Variants in YES1 observed in about 807,000 individuals in gnomAD.
YES1 encodes the protein YES proto-oncogene 1, Src family tyrosine kinase, also known as tyrosine-protein kinase Yes.
In YES1, 39 loss-of-function variants were observed where a neutral mutation model predicts 70.4. The observed-to-expected ratio is 0.55, with a 90% CI of 0.43 to 0.72. The LOEUF (loss-of-function observed/expected upper bound fraction) is 0.72. Ranked by LOEUF, YES1 falls within the 30% of genes least tolerant of loss-of-function variation. The probability of loss-of-function intolerance (pLI) is 0.00; values close to 1 mark genes in which losing one functional copy is unlikely to be tolerated. For missense variants in YES1, 495 were observed against 644.8 expected, an observed-to-expected ratio of 0.77 and a Z score of 2.52; for synonymous variants, 198 against 218.6, an observed-to-expected ratio of 0.91 and a Z score of 0.83.
In YES1 at chr18:725,050, T is replaced by C. The variant is rs149612528; in HGVS notation, c.1424-418A>G. 1.7e-3 allele frequency among the ~76,000 whole-genome samples: 263 copies of C among 152,340 alleles called. 5 individuals carry two copies. In the East Asian group the frequency reaches 0.047, roughly 27 times the overall value. On this transcript the variant is annotated intron_variant, in intron 11 of 11. Coordinates refer to ENST00000314574, the MANE Select transcript of YES1 (RefSeq NM_005433.4). ...CAGAAGAAAGTTCTAGTCTTGGTTT[T>C]GCCAAATATACCAACTACATAACTT...
intron 6 of YES1, among the ~76,000 whole-genome samples, chr18:744,535 G>A (rs1350110336): frequency 1.3e-5 from 2 of 151,580 alleles, no homozygotes; most frequent in East Asian, 1.9e-4. Flanking sequence ...GCCTACAGGT[G>A]CATGCCACCA....
intron 11 of YES1, among the ~76,000 whole-genome samples, chr18:731,966 C>CAAAAAAAAA (rs1165333694): frequency 1.3e-5 from 1 of 79,970 alleles, no homozygotes; most frequent in South Asian, 5.1e-4. Flanking sequence ...GACTCCATTT[C>CAAAAAAAAA]AAAAAAAAAA....
At chr18:731,924 G>GCA (rs1568184408) in intron 11 of YES1, among the ~76,000 whole-genome samples, 2 of 131,286 alleles carry the variant, frequency 1.5e-5, no homozygotes, top group East Asian at 4.6e-4. Flanking sequence ...CTGAGATCGT[G>GCA]CCACTGCACT....
chr18:803,999 A>ATT (rs1483512465), intron 1 of YES1, among the ~76,000 whole-genome samples: 17 of 152,350 alleles, frequency 1.1e-4, no homozygotes, highest in African/African-American at 4.1e-4. Context: ...TCAACTTACA[A>ATT]ACTTTCAGAA....
chr18:725,069 A>C (rs2080001220), intron 11 of YES1, among the ~76,000 whole-genome samples: 1 of 152,230 alleles, frequency 6.6e-6, no homozygotes, highest in Non-Finnish European at 1.5e-5. Context: ...TACCAACTAC[A>C]TAACTTTATA....
rs1331877026 is a variant in YES1, at chr18:732,949, G to A, written c.1308C>T (p.Ile436=). 6.2e-7 allele frequency: 1 copy of A among 1,614,068 alleles called. No individual in the cohort carries two copies. Among genetic ancestry groups the A allele is most frequent in the East Asian group, 2.2e-5 (1 of 44,872 alleles). ...GTGCAGCTTCAGGAGCTGTCCATTT[G>A]ATTGGAAATTTTGCACCTAAAATAA... ...YTARQGAKFP[I]KWTAPEAALY... The change falls in exon 11 of 12, where the codon ATC becomes ATT. Residue 436 remains isoleucine, a synonymous_variant. Transcript: ENST00000314574.
intron 1 of YES1, among the ~76,000 whole-genome samples, chr18:757,990 C>T (rs903720837): frequency 1.3e-5 from 2 of 151,986 alleles, no homozygotes; most frequent in African/African-American, 2.4e-5. Context: ...ACAATGGGTA[C>T]TAGCAAATAC....
In YES1 at chr18:795,945, A is replaced by G. The variant is rs1047983911; in HGVS notation, c.-9+16169T>C. Among the ~76,000 whole-genome samples, 19 of 151,824 alleles carry G rather than the reference A, an allele frequency of 1.3e-4. No homozygotes were observed. In the East Asian group the frequency reaches 3.5e-3, roughly 28 times the overall value. ...CACACACACACACACACACACACAC[A>G]TAAGACCTATGAGTAAGTAAAACAA... On this transcript the variant is annotated intron_variant, in intron 1 of 11. Transcript: ENST00000314574.
In YES1 at chr18:734,048, G is replaced by A. The variant is rs558697606; in HGVS notation, c.1292-1083C>T. The stretch of plus-strand genomic sequence containing the variant: ...AATCCCAGCAATTTGAGAGGCCGAG[G>A]TGGGCAGATCACCTAAGGTCAGGAG... On this transcript the variant is annotated intron_variant, in intron 10 of 11. Coordinates refer to ENST00000314574, the MANE Select transcript of YES1 (RefSeq NM_005433.4). 5.3e-5 allele frequency among the ~76,000 whole-genome samples: 8 copies of A among 152,314 alleles called. No individual in the cohort carries two copies. In the South Asian group the frequency reaches 1.7e-3, roughly 32 times the overall value.
chr18:753,631 G>A (rs111973701), intron 2 of YES1, among the ~76,000 whole-genome samples: 5,803 of 152,024 alleles, frequency 0.038, 275 homozygotes, highest in Admixed American at 0.14. Flanking sequence ...GATTACAGGC[G>A]TGCACCTCCA....
Position 723,870 on chromosome 18 carries a change from G to A in YES1, c.*554C>T, listed in dbSNP as rs1598880006. ...TTGAGATCCTGTTTATATTCCTTTTGAAAAACCTGGCCCATGTCCATGCAA... is the reference window on the plus strand; with the variant it reads ...TTGAGATCCTGTTTATATTCCTTTTAAAAAACCTGGCCCATGTCCATGCAA... On this transcript the variant is annotated 3_prime_UTR_variant, in exon 12 of 12. Transcript: ENST00000314574. The A allele has an allele frequency of 6.5e-6, 1 of 153,472 alleles. No homozygotes were observed. The highest frequency in any genetic ancestry group is 1.9e-4 in the East Asian group (1 of 5,208). The allele number at this position is 153,472 out of a possible 1,614,324, so 9.5% of individuals were successfully genotyped here.
At chr18:726,963 G>T (rs1360102734) in intron 11 of YES1, among the ~76,000 whole-genome samples, 1 of 152,088 alleles carries the variant, frequency 6.6e-6, no homozygotes, top group Non-Finnish European at 1.5e-5. Context: ...AGAACAGTAG[G>T]CAATGGATCG....
chr18:794,562 G>C (rs1436798088), intron 1 of YES1, among the ~76,000 whole-genome samples: 1 of 151,826 alleles, frequency 6.6e-6, no homozygotes, highest in Non-Finnish European at 1.5e-5. Context: ...GGCTGCTGTA[G>C]AAAAAAAATG....
At chr18:728,028 A>C (rs890849056) in intron 11 of YES1, among the ~76,000 whole-genome samples, 1 of 152,176 alleles carries the variant, frequency 6.6e-6, no homozygotes, top group East Asian at 1.9e-4. Flanking sequence ...GATGGGACCC[A>C]AGTCTAAACA....
intron 1 of YES1, among the ~76,000 whole-genome samples, chr18:796,627 C>T (rs1906557171): frequency 6.6e-6 from 1 of 152,014 alleles, no homozygotes; most frequent in Non-Finnish European, 1.5e-5. Context: ...ATTAGCCGGG[C>T]GTGGTGGCAG....
At chr18:732,444 A>AT (rs1388429648) in intron 11 of YES1, among the ~76,000 whole-genome samples, 5 of 144,780 alleles carry the variant, frequency 3.5e-5, no homozygotes, top group African/African-American at 1.3e-4. Flanking sequence ...TTAAAAAAAA[A>AT]AAAAAAAAAA....
intron 2 of YES1, among the ~76,000 whole-genome samples, chr18:754,693 C>G: frequency 7.3e-6 from 1 of 137,828 alleles, no homozygotes; most frequent in Admixed American, 7.8e-5. Context: ...GCCTGGGTGA[C>G]AGAGAGAGAC....
At chr18:809,333 T>C (rs1474882201) in intron 1 of YES1, among the ~76,000 whole-genome samples, 1 of 152,108 alleles carries the variant, frequency 6.6e-6, no homozygotes, top group Non-Finnish European at 1.5e-5. Flanking sequence ...ACAGTCTCAC[T>C]CTGTTGCCCA....
Position 772,750 on chromosome 18 carries a change from T to C in YES1, c.-8-15915A>G, listed in dbSNP as rs182608896. On this transcript the variant is annotated intron_variant, in intron 1 of 11. Coordinates refer to ENST00000314574, the MANE Select transcript of YES1 (RefSeq NM_005433.4). ...CCCGGCCAGCATCTCTATTTCTGTA[T>C]TTCTGATGTTTCTGGCTAACTACTT... is the stretch of plus-strand genomic sequence containing the variant. 4.1e-4 allele frequency among the ~76,000 whole-genome samples: 62 copies of C among 152,262 alleles called. 1 individual carries two copies. Among genetic ancestry groups the C allele is most frequent in the Admixed American group, 4.0e-3 (61 of 15,276 alleles).
Sources: allele counts gnomAD v4.1 joint callset (sites outside exome capture counted in the v4.1 genomes callset), GRCh38; gene constraint gnomAD v4.1.1; transcripts MANE v1.5; gene names NCBI Gene and HGNC (gene_info 2026-07-23, HGNC 2026-07-21).